SF1: variants seen among roughly 807,000 people sequenced by gnomAD.
The protein encoded by SF1 is splicing factor 1.
In SF1, 7 loss-of-function variants were observed where a neutral mutation model predicts 62.5. The observed-to-expected ratio is 0.11, with a 90% confidence interval of 0.06 to 0.21. The LOEUF is 0.21. SF1 is among the 10% of genes least tolerant of loss of function. The pLI is 1.00. For synonymous variants in SF1, 394 were observed against 323.6 expected (o/e 1.22, Z -2.33); for missense variants, 578 against 884.0 (o/e 0.65, Z 4.39).
Position 64,778,493 on chromosome 11 carries a change from G to A in SF1, c.-101C>T, listed in dbSNP as rs1353847329. 1.7e-6 allele frequency: 2 copies of A among 1,200,750 alleles called. No homozygotes were observed. The highest frequency in any genetic ancestry group is 2.1e-6 in the Non-Finnish European group (2 of 967,360). 74.4% of individuals were successfully genotyped at this position (1,200,750 alleles called of 1,614,324 possible). A position where few individuals can be genotyped will look rare whatever the true frequency, so the allele number is the denominator to read the frequency against. ...GGGGACCCGAATGCGCTGCCGGAGC[G>A]CGCGGAGCCCGTCCTCTCACGCGGC... On this transcript the variant is annotated 5_prime_UTR_variant, in exon 1 of 13. Coordinates refer to ENST00000377390, the MANE Select transcript of SF1 (RefSeq NM_004630.4).
chr11:64,778,168 C>G (rs1939706186), intron 1 of SF1, 194 bp downstream of exon 1: 14 of 858,840 alleles, frequency 1.6e-5, no homozygotes, highest in Non-Finnish European at 2.0e-5. Flanking sequence ...GCGGAGGGGG[C>G]GGCGGCGGAG....
At chr11:64,777,927 C>T (rs1194338660) in intron 1 of SF1, 14 of 971,532 alleles carry the variant, frequency 1.4e-5, no homozygotes, top group Non-Finnish European at 1.6e-5. Flanking sequence ...CCGCCGCGCG[C>T]CCCTCAGGCG....
rs551726742 is a variant in SF1, at chr11:64,765,729, C to A, written c.*89G>T. 21 of 1,465,934 alleles carry A rather than the reference C, an allele frequency of 1.4e-5. No homozygotes were observed. The African/African-American group carries it at 2.9e-4, about 20-fold the overall frequency. The allele number at this position is 1,465,934 out of a possible 1,614,324, so 90.8% of individuals were successfully genotyped here. ...CACACACAATCACATGCGTGCGTCC[C>A]AATGTCTGGCTCCATATGGTGAGGT... is the stretch of plus-strand genomic sequence containing the variant. On this transcript the variant is annotated 3_prime_UTR_variant, in exon 13 of 13. Coordinates refer to ENST00000377390, the MANE Select transcript of SF1 (RefSeq NM_004630.4).
intron 10 of SF1, 45 bp downstream of exon 10, chr11:64,767,526 G>A (rs762401153): frequency 3.0e-5 from 46 of 1,512,944 alleles, no homozygotes; most frequent in African/African-American, 4.2e-5. Flanking sequence ...GTAACCCCTT[G>A]CTTATCCCAA....
chr11:64,775,492 GGA>G (rs1489093824), intron 2 of SF1, among the ~76,000 whole-genome samples: 1 of 152,156 alleles, frequency 6.6e-6, no homozygotes, highest in African/African-American at 2.4e-5. Flanking sequence ...TACTGTGAAA[GGA>G]GACAGACAAT....
intron 8 of SF1, 107 bp from the exon 9 acceptor site, chr11:64,768,393 C>A: frequency 1.0e-5 from 10 of 1,001,128 alleles, no homozygotes; most frequent in Non-Finnish European, 1.5e-5. Context: ...AATTCAATCA[C>A]CAGATCATCA....
chr11:64,767,851 G>C lies in SF1; in HGVS notation c.1069-7C>G, dbSNP rs543362140. The C allele has an allele frequency of 6.2e-7, 1 of 1,606,724 alleles. No individual in the cohort carries two copies. The highest frequency in any genetic ancestry group is 8.5e-7 in the Non-Finnish European group (1 of 1,177,738). On this transcript the variant is annotated splice_polypyrimidine_tract_variant and splice_region_variant and intron_variant, in intron 9 of 12. Transcript: ENST00000377390. Reference sequence around the variant, plus strand: ...GGGTGGTAGACATGAGAGACTACGTGAGAGCATTTCCTGCCAACGTCCCTG... The same window carrying C: ...GGGTGGTAGACATGAGAGACTACGTCAGAGCATTTCCTGCCAACGTCCCTG...
intron 1 of SF1, chr11:64,777,903 A>AGCC (rs1555149447): frequency 5.3e-6 from 5 of 946,392 alleles, no homozygotes; most frequent in African/African-American, 1.8e-5. Flanking sequence ...TGCCGCGTGC[A>AGCC]GCCGCCGTCG....
At chr11:64,772,250 T>C (rs1388998902) in intron 3 of SF1, 1 of 984,214 alleles carries the variant, frequency 1.0e-6, no homozygotes, top group Admixed American at 6.2e-5. Context: ...TGGTGACCTG[T>C]AGACATATTA....
In SF1 at chr11:64,778,511, C is replaced by G; in HGVS notation, c.-119G>C. 17 of 1,180,452 alleles carry G rather than the reference C, an allele frequency of 1.4e-5. No individual in the cohort carries two copies. Among genetic ancestry groups the G allele is most frequent in the Non-Finnish European group, 1.8e-5 (17 of 955,702 alleles). The allele number at this position is 1,180,452 out of a possible 1,614,324, so 73.1% of individuals were successfully genotyped here. A position where few individuals can be genotyped will look rare whatever the true frequency, so the allele number is the denominator to read the frequency against. ...CCGGAGCGCGCGGAGCCCGTCCTCT[C>G]ACGCGGCGGGCGGCGGCGGCGCGAG... On this transcript the variant is annotated 5_prime_UTR_variant, in exon 1 of 13. Transcript: ENST00000377390.
chr11:64,777,434 T>A (rs1005053991), intron 1 of SF1: 3 of 895,878 alleles, frequency 3.3e-6, no homozygotes, highest in African/African-American at 1.8e-5. Context: ...AAAAACAAAC[T>A]AAAATTCTCT....
At chr11:64,778,168 C>CGGCGGCGGA (rs956245645) in intron 1 of SF1, 194 bp downstream of exon 1, 33 of 858,742 alleles carry the variant, frequency 3.8e-5, no homozygotes, top group East Asian at 1.2e-4. Flanking sequence ...GCGGAGGGGG[C>CGGCGGCGGA]GGCGGCGGAG....
chr11:64,768,819 G>A (rs1217992631), intron 8 of SF1, among the ~76,000 whole-genome samples: 1 of 152,186 alleles, frequency 6.6e-6, no homozygotes, highest in Admixed American at 6.5e-5. Flanking sequence ...GAAACTTCCA[G>A]TTTTCTTGGG....
At chr11:64,773,288 T>TA in intron 3 of SF1, 142 bp downstream of exon 3, 1 of 1,460,708 alleles carries the variant, frequency 6.8e-7, no homozygotes, top group Non-Finnish European at 9.0e-7. Context: ...ATATTTCTAA[T>TA]TAAACCTTAA....
chr11:64,772,455 T>C (rs1938480596), intron 3 of SF1: 11 of 985,378 alleles, frequency 1.1e-5, no homozygotes, highest in Non-Finnish European at 1.2e-5. Flanking sequence ...AGGAAGTTAA[T>C]GTTTCCTGGC....
rs1268311331 is a variant in SF1, at chr11:64,765,006, G to A, written c.*812C>T. 6.5e-6 allele frequency: 1 copy of A among 152,956 alleles called. No homozygotes were observed. Among genetic ancestry groups the A allele is most frequent in the African/African-American group, 2.4e-5 (1 of 41,466 alleles). The allele number at this position is 152,956 out of a possible 1,614,324, so 9.5% of individuals were successfully genotyped here. ...GCTGGCAGGATCGCCAGGACGGATG[G>A]GAATCCCGAAACCTGGAGATGAACC... is the stretch of plus-strand genomic sequence containing the variant. On this transcript the variant is annotated 3_prime_UTR_variant, in exon 13 of 13. Coordinates refer to ENST00000377390, the MANE Select transcript of SF1 (RefSeq NM_004630.4).
intron 3 of SF1, chr11:64,772,922 G>A: frequency 1.0e-6 from 1 of 986,832 alleles, no homozygotes; most frequent in South Asian, 4.6e-5. Context: ...GGCAGTGAAA[G>A]AAGTTGGTTA....
At chr11:64,771,786 TA>T (rs1938363715) in intron 3 of SF1, 1 of 984,972 alleles carries the variant, frequency 1.0e-6, no homozygotes, top group South Asian at 4.7e-5. Flanking sequence ...AAAATAACAA[TA>T]AAGTGGCTTA....
At chr11:64,775,025 G>C (rs1404732928) in intron 2 of SF1, among the ~76,000 whole-genome samples, 1 of 151,770 alleles carries the variant, frequency 6.6e-6, no homozygotes, top group Non-Finnish European at 1.5e-5. Flanking sequence ...GTGGGAGACA[G>C]AAAAGTAGTA....
Sources: gnomAD v4.1 joint callset for allele counts (sites outside exome capture counted in the v4.1 genomes callset) on GRCh38, gnomAD v4.1.1 for gene constraint, MANE v1.5 for transcripts, NCBI Gene and HGNC (gene_info 2026-07-23, HGNC 2026-07-21) for gene names.